Variants in CBL observed in about 807,000 individuals in gnomAD.
CBL encodes the protein Cbl proto-oncogene, also known as E3 ubiquitin-protein ligase CBL.
A neutral mutation model predicts 96.9 loss-of-function variants in CBL; 45 were observed. The ratio of observed to expected loss-of-function variants is 0.46; its 90% confidence interval spans 0.37 to 0.60. The LOEUF (loss-of-function observed/expected upper bound fraction) is 0.60. Among genes scored for constraint, CBL ranks in the 20% least tolerant of loss-of-function variants. The pLI, the probability that CBL is intolerant of heterozygous loss-of-function variation, is 0.00. For synonymous variants in CBL, 420 were observed against 426.8 expected (o/e 0.98, Z 0.20); for missense variants, 1,024 against 1,143.5 (o/e 0.90, Z 1.51).
rs150159135 is a variant in CBL at position 119,304,649 on chromosome 11, T to C, written c.*4868T>C. On this transcript the variant is annotated 3_prime_UTR_variant, in exon 16 of 16. Transcript: ENST00000264033. ...TACTTAATTTTTTTTTTTTTTGAGATGGAGTCTCGCTGTGTCGCCCAGGCT... is the reference window on the plus strand; with the variant it reads ...TACTTAATTTTTTTTTTTTTTGAGACGGAGTCTCGCTGTGTCGCCCAGGCT... The C allele has an allele frequency of 6.3e-3, 1,359 of 216,488 alleles. 23 individuals carry two copies. The highest frequency in any genetic ancestry group is 0.028 in the African/African-American group (1,262 of 44,338). The allele number at this position is 216,488 out of a possible 1,614,324, so 13.4% of individuals were successfully genotyped here.
intron 2 of CBL, among the ~76,000 whole-genome samples, chr11:119,236,622 T>TATATATATATATATATACATAC (rs398017756): frequency 1.4e-5 from 2 of 144,310 alleles, no homozygotes; most frequent in African/African-American, 5.1e-5. Flanking sequence ...TATATATATA[T>TATATATATATATATATACATAC]ACCCATAGGA....
In CBL at chr11:119,278,214, A is replaced by G. The variant is rs267606705; in HGVS notation, c.1144A>G (p.Lys382Glu). The change falls in exon 8 of 16, where the codon AAA (lysine) becomes GAA (glutamate). Residue 382 changes from lysine (K) to glutamate (E), a missense_variant. Coordinates refer to ENST00000264033, the MANE Select transcript of CBL (RefSeq NM_005188.4). ...GATGGGCTCCACATTCCAACTATGT[A>G]AAATATGTGCTGAAAATGATAAGGA... Reference protein sequence around the residue: ...CEMGSTFQLCKICAENDKDVK... With the variant: ...CEMGSTFQLCEICAENDKDVK... The G allele has an allele frequency of 6.2e-7, 1 of 1,611,722 alleles. No individual in the cohort carries two copies. The highest frequency in any genetic ancestry group is 8.5e-7 in the Non-Finnish European group (1 of 1,177,800).
intron 2 of CBL, among the ~76,000 whole-genome samples, chr11:119,236,183 C>G (rs1181736797): frequency 2.6e-5 from 4 of 152,074 alleles, no homozygotes; most frequent in African/African-American, 9.7e-5. Flanking sequence ...TTTCACCCCC[C>G]AACAGGAAAC....
At chr11:119,275,191 A>G (rs1325710236) in intron 5 of CBL, among the ~76,000 whole-genome samples, 1 of 152,268 alleles carries the variant, frequency 6.6e-6, no homozygotes, top group Non-Finnish European at 1.5e-5. Context: ...CTGTCATCCC[A>G]GCACTTTGGG....
At chr11:119,248,338 T>TA (rs1342583420) in intron 2 of CBL, among the ~76,000 whole-genome samples, 1 of 152,236 alleles carries the variant, frequency 6.6e-6, no homozygotes, top group Non-Finnish European at 1.5e-5. Context: ...GGTCAATCGA[T>TA]ACTTTTTTGA....
rs1227193066 is a variant in CBL at position 119,223,157 on chromosome 11, G to A, written c.196-9291G>A. ...CATGCCACTGTGCTCCAGCCTGGGT[G>A]ACAGAGCAAACCACCCCACACCCTT... On this transcript the variant is annotated intron_variant, in intron 1 of 15. Coordinates refer to ENST00000264033, the MANE Select transcript of CBL (RefSeq NM_005188.4). 6.7e-5 allele frequency among the ~76,000 whole-genome samples: 10 copies of A among 148,494 alleles called. No homozygotes were observed. In the Admixed American group the frequency reaches 6.8e-4, roughly 10 times the overall value.
At chr11:119,279,157 A>G (rs969223287) in intron 9 of CBL, among the ~76,000 whole-genome samples, 3 of 152,088 alleles carry the variant, frequency 2.0e-5, no homozygotes, top group African/African-American at 7.2e-5. Flanking sequence ...ATGCAACTAG[A>G]ATAAGTTCTG....
At chr11:119,241,462 G>A (rs1949586097) in intron 2 of CBL, among the ~76,000 whole-genome samples, 1 of 152,166 alleles carries the variant, frequency 6.6e-6, no homozygotes, top group Non-Finnish European at 1.5e-5. Context: ...GTCTATGGTA[G>A]GCACTGCTCC....
intron 1 of CBL, 93 bp downstream of exon 1, chr11:119,206,705 G>C (rs1161126121): frequency 5.9e-6 from 8 of 1,364,898 alleles, no homozygotes; most frequent in African/African-American, 1.5e-5. Flanking sequence ...GCGGGGGAGG[G>C]GACGGGTCTG....
chr11:119,266,781 G>A (rs1457581956), intron 2 of CBL, among the ~76,000 whole-genome samples: 1 of 152,154 alleles, frequency 6.6e-6, no homozygotes, highest in Admixed American at 6.5e-5. Flanking sequence ...AGTGGAAGGC[G>A]AATGACCTCC....
In CBL at chr11:119,304,102, C is replaced by T. The variant is rs1296008386; in HGVS notation, c.*4321C>T. On this transcript the variant is annotated 3_prime_UTR_variant, in exon 16 of 16. Transcript: ENST00000264033. ...TGAACTCCATCAGTCCCCTAATTGT[C>T]AGCCTTTACCTCCCTCCCAGAGCAA... 1 of 233,544 alleles carries T rather than the reference C, an allele frequency of 4.3e-6. No homozygotes were observed. Among genetic ancestry groups the T allele is most frequent in the African/African-American group, 2.2e-5 (1 of 45,332 alleles). 14.5% of individuals were successfully genotyped at this position (233,544 alleles called of 1,614,324 possible).
Position 119,277,995 on chromosome 11 carries a change from A to C in CBL, c.1095+151A>C, listed in dbSNP as rs890640161. ...GGTTTCACTTTAAACCCTGGAGCTT[A>C]AAATAGGACCCAGACTAGATGCTTT... On this transcript the variant is annotated intron_variant, in intron 7 of 15. Transcript: ENST00000264033. 18 of 890,310 alleles carry C rather than the reference A, an allele frequency of 2.0e-5. No homozygotes were observed. The East Asian group carries it at 4.7e-4, about 23-fold the overall frequency. 55.2% of individuals were successfully genotyped at this position (890,310 alleles called of 1,614,324 possible).
intron 2 of CBL, among the ~76,000 whole-genome samples, chr11:119,257,328 T>C (rs922491298): frequency 5.3e-5 from 8 of 152,360 alleles, no homozygotes; most frequent in East Asian, 1.9e-4. Flanking sequence ...GGTATCTCAT[T>C]GTGGTTTTAA....
chr11:119,300,162 C>T lies in CBL; in HGVS notation c.*381C>T. 1 of 515,480 alleles carries T rather than the reference C, an allele frequency of 1.9e-6. No individual in the cohort carries two copies. The highest frequency in any genetic ancestry group is 3.4e-6 in the Non-Finnish European group (1 of 292,428). The allele number at this position is 515,480 out of a possible 1,614,324, so 31.9% of individuals were successfully genotyped here. A position where few individuals can be genotyped will look rare whatever the true frequency, so the allele number is the denominator to read the frequency against. ...TGTGGCCGTGTGTGTGTGTGTCTGCCTGTGGTTGTATGTGTCCTTGTGATT... is the reference window on the plus strand; with the variant it reads ...TGTGGCCGTGTGTGTGTGTGTCTGCTTGTGGTTGTATGTGTCCTTGTGATT... On this transcript the variant is annotated 3_prime_UTR_variant, in exon 16 of 16. Coordinates refer to ENST00000264033, the MANE Select transcript of CBL (RefSeq NM_005188.4).
rs188108548 is a variant in CBL at position 119,269,965 on chromosome 11, C to T, written c.444-1770C>T. ...TGAGCCGAGATCGCGCCACTGCACT[C>T]CAGCCCAGGCGACAGAGCGAGACTC... On this transcript the variant is annotated intron_variant, in intron 2 of 15. Transcript: ENST00000264033. Among the ~76,000 whole-genome samples, 379 of 152,114 alleles carry T rather than the reference C, an allele frequency of 2.5e-3. 1 individual carries two copies. Among genetic ancestry groups the T allele is most frequent in the Admixed American group, 5.5e-3 (84 of 15,292 alleles).
intron 2 of CBL, among the ~76,000 whole-genome samples, chr11:119,260,355 T>G (rs1237119760): frequency 6.6e-6 from 1 of 151,962 alleles, no homozygotes; most frequent in Non-Finnish European, 1.5e-5. Flanking sequence ...TCAATTCTCC[T>G]GCCTCAGCCT....
chr11:119,254,058 T>C (rs1011041529), intron 2 of CBL, among the ~76,000 whole-genome samples: 2 of 147,728 alleles, frequency 1.4e-5, no homozygotes, highest in Admixed American at 1.3e-4. Context: ...GAAAGTGTTA[T>C]CAAAAGTCAG....
At chr11:119,234,434 G>A (rs1365951997) in intron 2 of CBL, among the ~76,000 whole-genome samples, 2 of 152,092 alleles carry the variant, frequency 1.3e-5, no homozygotes, top group Admixed American at 6.6e-5. Context: ...TTAAAACCTC[G>A]ACTGTATGGA....
intron 12 of CBL, among the ~76,000 whole-genome samples, chr11:119,294,518 G>A (rs55776588): frequency 0.059 from 8,981 of 152,046 alleles, 368 homozygotes; most frequent in Non-Finnish European, 0.09. Context: ...AAGCAGGCTG[G>A]GTGCGGTGGC....
Sources: allele counts gnomAD v4.1 joint callset (sites outside exome capture counted in the v4.1 genomes callset), GRCh38; gene constraint gnomAD v4.1.1; transcripts MANE v1.5; gene names NCBI Gene and HGNC (gene_info 2026-07-23, HGNC 2026-07-21).